NPAS3: variants seen among roughly 807,000 people sequenced by gnomAD.
NPAS3 encodes neuronal PAS domain protein 3, also known as neuronal PAS domain-containing protein 3.
In NPAS3, 14 loss-of-function variants were observed where a neutral mutation model predicts 73.1. The observed-to-expected ratio is 0.19, with a 90% CI of 0.13 to 0.30. The LOEUF (loss-of-function observed/expected upper bound fraction) is 0.30. Among genes scored for constraint, NPAS3 ranks in the 10% least tolerant of loss-of-function variants. The pLI, the probability that NPAS3 is intolerant of heterozygous loss-of-function variation, is 1.00. For synonymous variants in NPAS3, 620 were observed against 541.5 expected (o/e 1.14, Z -2.01); for missense variants, 1,096 against 1,250.0 (o/e 0.88, Z 1.86).
At chr14:33,088,535 G>T (rs907716600) in intron 2 of NPAS3, among the ~76,000 whole-genome samples, 1 of 152,348 alleles carries the variant, frequency 6.6e-6, no homozygotes, top group East Asian at 1.9e-4. Flanking sequence ...AAACAAAGCG[G>T]CCAGGAAACT....
chr14:33,078,483 A>C (rs11846388), intron 2 of NPAS3, among the ~76,000 whole-genome samples: 18,665 of 151,572 alleles, frequency 0.12, 2,424 homozygotes, highest in African/African-American at 0.34. Flanking sequence ...CAATGAATCA[A>C]TTAGATTTGT....
intron 5 of NPAS3, among the ~76,000 whole-genome samples, chr14:33,675,355 G>A (rs1428289068): frequency 6.6e-6 from 1 of 152,080 alleles, no homozygotes; most frequent in Non-Finnish European, 1.5e-5. Context: ...CAGACGCAGG[G>A]GTCATGCCTG....
intron 3 of NPAS3, among the ~76,000 whole-genome samples, chr14:33,242,781 T>C (rs2048251605): frequency 6.6e-6 from 1 of 152,190 alleles, no homozygotes; most frequent in South Asian, 2.1e-4. Context: ...AGAGATAATA[T>C]GGTTTGTGCT....
chr14:33,472,137 A>G (rs1389457179), intron 4 of NPAS3, among the ~76,000 whole-genome samples: 1 of 152,222 alleles, frequency 6.6e-6, no homozygotes, highest in African/African-American at 2.4e-5. Flanking sequence ...AGGTGACTGC[A>G]GTTACAAATT....
At chr14:33,237,864 A>G (rs2048089034) in intron 3 of NPAS3, among the ~76,000 whole-genome samples, 1 of 151,732 alleles carries the variant, frequency 6.6e-6, no homozygotes, top group Non-Finnish European at 1.5e-5. Context: ...GCATTTTTGC[A>G]TATGCTATAA....
At chr14:33,457,108 G>T (rs571986113) in intron 4 of NPAS3, among the ~76,000 whole-genome samples, 1 of 152,210 alleles carries the variant, frequency 6.6e-6, no homozygotes, top group Non-Finnish European at 1.5e-5. Flanking sequence ...GGTGAAGGGC[G>T]AGTCGCCGTC....
intron 2 of NPAS3, among the ~76,000 whole-genome samples, chr14:33,078,604 T>C (rs2041756806): frequency 6.6e-6 from 1 of 151,370 alleles, no homozygotes; most frequent in Non-Finnish European, 1.5e-5. Flanking sequence ...AAGTCAGGTA[T>C]CAGTTAAGAA....
intron 4 of NPAS3, among the ~76,000 whole-genome samples, chr14:33,527,289 C>T (rs2053845093): frequency 6.6e-6 from 1 of 152,148 alleles, no homozygotes; most frequent in South Asian, 2.1e-4. Flanking sequence ...TATCCTGTAC[C>T]CTGTAACCAC....
In NPAS3 at chr14:33,653,876, G is replaced by A. The variant is rs144788323; in HGVS notation, c.559-22335G>A. On this transcript the variant is annotated intron_variant, in intron 5 of 11. Transcript: ENST00000356141. ...TTTTATTCCTAACTAAAACAGGCCCGTTATTGTGTAGAAATAGATGTGCCT... is the reference window on the plus strand; with the variant it reads ...TTTTATTCCTAACTAAAACAGGCCCATTATTGTGTAGAAATAGATGTGCCT... Among the ~76,000 whole-genome samples the A allele has an allele frequency of 8.0e-3, 1,214 of 152,268 alleles. 20 individuals carry two copies. The highest frequency in any genetic ancestry group is 0.028 in the African/African-American group (1,164 of 41,554).
At chr14:33,311,252 A>T (rs959535588) in intron 3 of NPAS3, among the ~76,000 whole-genome samples, 3 of 151,906 alleles carry the variant, frequency 2.0e-5, no homozygotes, top group Non-Finnish European at 2.9e-5. Flanking sequence ...AAAATCAGAA[A>T]TTTTTCTGAA....
At chr14:33,538,426 G>A (rs564626825) in intron 4 of NPAS3, among the ~76,000 whole-genome samples, 39 of 152,226 alleles carry the variant, frequency 2.6e-4, no homozygotes, top group African/African-American at 7.9e-4. Flanking sequence ...ATAAAACTCC[G>A]ATATCCCTGC....
intron 3 of NPAS3, among the ~76,000 whole-genome samples, chr14:33,262,515 C>T (rs537854355): frequency 1.3e-5 from 2 of 152,112 alleles, no homozygotes; most frequent in Non-Finnish European, 2.9e-5. Context: ...TCAATCAAAT[C>T]ATGATGAAAT....
At chr14:33,028,983 C>A (rs751485843) in intron 1 of NPAS3, among the ~76,000 whole-genome samples, 13 of 152,034 alleles carry the variant, frequency 8.6e-5, no homozygotes, top group Non-Finnish European at 1.2e-4. Flanking sequence ...CTCCTTCCCC[C>A]CCGCCCCTGA....
intron 5 of NPAS3, among the ~76,000 whole-genome samples, chr14:33,567,884 G>C (rs1266467057): frequency 6.6e-6 from 1 of 152,134 alleles, no homozygotes; most frequent in Non-Finnish European, 1.5e-5. Flanking sequence ...ATTCTTATTT[G>C]TTCCTTTGAA....
chr14:32,971,361 A>G (rs746837672), intron 1 of NPAS3, among the ~76,000 whole-genome samples: 14 of 152,190 alleles, frequency 9.2e-5, no homozygotes, highest in Non-Finnish European at 2.1e-4. Context: ...CTGGGATTAC[A>G]GGTGTGAGCC....
At chr14:33,366,826 A>G (rs948428489) in intron 3 of NPAS3, among the ~76,000 whole-genome samples, 1 of 152,188 alleles carries the variant, frequency 6.6e-6, no homozygotes, top group Non-Finnish European at 1.5e-5. Flanking sequence ...GGCAGTATGC[A>G]GATGCTTAAA....
intron 3 of NPAS3, among the ~76,000 whole-genome samples, chr14:33,342,618 T>C (rs2140315501): frequency 6.6e-6 from 1 of 152,364 alleles, no homozygotes; most frequent in African/African-American, 2.4e-5. Context: ...GTGTTTTTCA[T>C]AAAGTGTTTG....
chr14:33,662,852 G>T (rs1454174951), intron 5 of NPAS3, among the ~76,000 whole-genome samples: 2 of 147,960 alleles, frequency 1.4e-5, no homozygotes, highest in East Asian at 2.0e-4. Flanking sequence ...ATTTGGGGCT[G>T]AGACAATGGG....
intron 2 of NPAS3, among the ~76,000 whole-genome samples, chr14:33,204,744 G>A (rs766957405): frequency 7.9e-5 from 12 of 152,194 alleles, no homozygotes; most frequent in East Asian, 1.9e-4. Flanking sequence ...GGACTCAATC[G>A]TCTGGTTAAG....
Sources: allele counts gnomAD v4.1 joint callset (sites outside exome capture counted in the v4.1 genomes callset), GRCh38; gene constraint gnomAD v4.1.1; transcripts MANE v1.5; gene names NCBI Gene and HGNC (gene_info 2026-07-23, HGNC 2026-07-21).